SOX5: variants seen among roughly 807,000 people sequenced by gnomAD.
The protein encoded by SOX5 is SRY-box transcription factor 5, also known as transcription factor SOX-5.
Under a neutral mutation model 92.0 loss-of-function variants are expected in SOX5, and 9 were observed. That is an observed-to-expected ratio of 0.10 (90% CI 0.06 to 0.17). SOX5 has a LOEUF of 0.17. Ranked by LOEUF, SOX5 falls within the 10% of genes least tolerant of loss-of-function variation. The pLI is 1.00. For synonymous variants in SOX5, 344 were observed against 336.3 expected, an observed-to-expected ratio of 1.02 and a Z score of -0.25; for missense variants, 642 against 944.5, an observed-to-expected ratio of 0.68 and a Z score of 4.20.
At chr12:23,889,823 A>T (rs758497276) in intron 2 of SOX5, among the ~76,000 whole-genome samples, 1 of 152,216 alleles carries the variant, frequency 6.6e-6, no homozygotes, top group Non-Finnish European at 1.5e-5. Flanking sequence ...AAGATATATG[A>T]CAAAATCAAA....
At chr12:24,178,696 T>C (rs375074887) in intron 4 of SOX5, among the ~76,000 whole-genome samples, 139 of 152,322 alleles carry the variant, frequency 9.1e-4, no homozygotes, top group African/African-American at 3.2e-3. Flanking sequence ...TAAAAACCTT[T>C]TATAGAAAAG....
At chr12:24,129,761 A>G (rs1038300853) in intron 4 of SOX5, among the ~76,000 whole-genome samples, 3 of 152,254 alleles carry the variant, frequency 2.0e-5, no homozygotes, top group African/African-American at 7.2e-5. Flanking sequence ...CCTAACTTAT[A>G]TCAAGGGAGA....
chr12:24,116,899 T>C (rs1948067035), intron 4 of SOX5, among the ~76,000 whole-genome samples: 1 of 151,800 alleles, frequency 6.6e-6, no homozygotes, highest in African/African-American at 2.4e-5. Flanking sequence ...CATATTTATG[T>C]GTATGTATGT....
At chr12:24,125,957 C>T (rs1156707351) in intron 4 of SOX5, among the ~76,000 whole-genome samples, 1 of 152,158 alleles carries the variant, frequency 6.6e-6, no homozygotes, top group Non-Finnish European at 1.5e-5. Flanking sequence ...TCTTGCTTGG[C>T]ATCTCAATGG....
At chr12:23,871,370 TC>T (rs1276110999) in intron 2 of SOX5, among the ~76,000 whole-genome samples, 12 of 152,186 alleles carry the variant, frequency 7.9e-5, no homozygotes, top group African/African-American at 2.7e-4. Context: ...GATCAGTTGT[TC>T]AATATCAATT....
intron 4 of SOX5, among the ~76,000 whole-genome samples, chr12:23,974,931 G>GA (rs1181153050): frequency 6.6e-6 from 1 of 152,066 alleles, no homozygotes; most frequent in Non-Finnish European, 1.5e-5. Flanking sequence ...TGTTTGGGGG[G>GA]AAAGTATAAA....
intron 4 of SOX5, among the ~76,000 whole-genome samples, chr12:24,174,868 C>T (rs934236131): frequency 2.6e-4 from 39 of 151,984 alleles, no homozygotes; most frequent in African/African-American, 9.4e-4. Context: ...AGAAAATAAT[C>T]ACCAAGCACC....
intron 4 of SOX5, among the ~76,000 whole-genome samples, chr12:24,077,930 A>C (rs1408183614): frequency 2.0e-5 from 3 of 151,154 alleles, no homozygotes; most frequent in Non-Finnish European, 4.4e-5. Context: ...CTTAAGAATA[A>C]TTTGGAAATA....
At position 24,244,375 on chromosome 12, in the gene SOX5, T is replaced by A. The variant is rs572668215; in HGVS notation, c.-76-30958A>T. 1.1e-3 allele frequency among the ~76,000 whole-genome samples: 168 copies of A among 152,356 alleles called. 1 individual carries two copies. Among genetic ancestry groups the A allele is most frequent in the African/African-American group, 3.8e-3 (158 of 41,592 alleles). ...CCCTGGTGGCTTCCTCTGTCCTTTA[T>A]AATCCCACTGGTCTTCTTTCAGCCC... On this transcript the variant is annotated intron_variant, in intron 3 of 4. Coordinates refer to the SOX5 transcript ENST00000446891.
chr12:24,560,533 G>T (rs1954233706), intron 1 of SOX5, among the ~76,000 whole-genome samples: 1 of 152,220 alleles, frequency 6.6e-6, no homozygotes. Context: ...TTCTGCCTGG[G>T]AGCTATATTT....
intron 1 of SOX5, among the ~76,000 whole-genome samples, chr12:24,542,575 C>G (rs955241742): frequency 6.6e-6 from 1 of 152,190 alleles, no homozygotes; most frequent in Non-Finnish European, 1.5e-5. Flanking sequence ...AAAGACTCCT[C>G]TAGTAACCCA....
intron 1 of SOX5, among the ~76,000 whole-genome samples, chr12:23,935,571 T>C (rs1942358263): frequency 6.6e-6 from 1 of 151,160 alleles, no homozygotes; most frequent in African/African-American, 2.4e-5. Context: ...GAACTGGAAG[T>C]CAGTATCTCT....
chr12:23,630,544 A>G (rs187130908), intron 8 of SOX5, among the ~76,000 whole-genome samples: 1 of 152,152 alleles, frequency 6.6e-6, no homozygotes, highest in Admixed American at 6.6e-5. Flanking sequence ...AAGCAATAAC[A>G]AATAGTTCTC....
intron 1 of SOX5, among the ~76,000 whole-genome samples, chr12:24,449,848 C>A (rs1942005697): frequency 6.6e-6 from 1 of 152,138 alleles, no homozygotes. Flanking sequence ...GACTCTTGTG[C>A]CCCTCAGTCC....
intron 4 of SOX5, among the ~76,000 whole-genome samples, chr12:24,142,891 C>A (rs116451808): frequency 0.015 from 2,254 of 150,630 alleles, 78 homozygotes; most frequent in African/African-American, 0.053. Flanking sequence ...TTGGGAGATG[C>A]GTAGAGGGCC....
At chr12:23,734,782 C>G (rs568828921) in intron 5 of SOX5, 30 bp from the exon 6 acceptor site, 7 of 1,585,784 alleles carry the variant, frequency 4.4e-6, no homozygotes, top group Non-Finnish European at 6.1e-6. Flanking sequence ...GAGAAATTTA[C>G]AAGTATATTG....
rs762565244 is a variant in SOX5, at chr12:23,861,917, CA to C, written c.271-15725del. Among the ~76,000 whole-genome samples, 18 of 152,226 alleles carry C rather than the reference CA, an allele frequency of 1.2e-4. 1 individual carries two copies. The highest frequency in any genetic ancestry group is 2.1e-4 in the Non-Finnish European group (14 of 67,994). ...AACACCTACAGACCTTGAACATAGACAGGGGGTAAACACAAAGACAGAATAT... is the reference window on the plus strand; with the variant it reads ...AACACCTACAGACCTTGAACATAGACGGGGGTAAACACAAAGACAGAATAT... On this transcript the variant is annotated intron_variant, in intron 2 of 14. Transcript: ENST00000451604.
At chr12:23,717,164 T>G (rs11047063) in intron 6 of SOX5, among the ~76,000 whole-genome samples, 15,254 of 152,268 alleles carry the variant, frequency 0.1, 904 homozygotes, top group Non-Finnish European at 0.12. Context: ...AAGCACTGTT[T>G]CAAAAAATAT....
intron 1 of SOX5, among the ~76,000 whole-genome samples, chr12:24,434,165 C>A (rs1456507733): frequency 6.6e-6 from 1 of 152,008 alleles, no homozygotes; most frequent in Non-Finnish European, 1.5e-5. Context: ...TTACCAATGA[C>A]CTTTACCATA....
Sources: allele counts gnomAD v4.1 joint callset (sites outside exome capture counted in the v4.1 genomes callset), GRCh38; gene constraint gnomAD v4.1.1; transcripts MANE v1.5; gene names NCBI Gene and HGNC (gene_info 2026-07-23, HGNC 2026-07-21).